Variants in BLOC1S6 observed in about 807,000 individuals in gnomAD.
BLOC1S6 encodes biogenesis of lysosomal organelles complex 1 subunit 6.
BLOC1S6 carries 24 observed loss-of-function variants against 24.7 expected under a neutral mutation model. The ratio of observed to expected loss-of-function variants is 0.97; its 90% CI spans 0.70 to 1.37. BLOC1S6 has a LOEUF of 1.37. BLOC1S6 is among the 40% of genes most tolerant of loss of function. The pLI is 0.00. For synonymous variants in BLOC1S6, 76 were observed against 72.6 expected (o/e 1.05, Z -0.23); for missense variants, 175 against 196.2 (o/e 0.89, Z 0.64).
intron 2 of BLOC1S6, among the ~76,000 whole-genome samples, chr15:45,600,323 A>G (rs1161361509): frequency 1.3e-5 from 2 of 151,122 alleles, no homozygotes; most frequent in Admixed American, 1.3e-4. Context: ...CTAAAACTTA[A>G]AGTATAATAA....
intron 1 of BLOC1S6, among the ~76,000 whole-genome samples, chr15:45,588,694 C>G (rs572631503): frequency 8.9e-4 from 136 of 152,340 alleles, no homozygotes; most frequent in Non-Finnish European, 1.5e-3. Context: ...AATAGCTCCT[C>G]ACTACTTATT....
rs1342184206 is a variant in BLOC1S6, at chr15:45,587,518, G to A, written c.75G>A (p.Pro25=). ...RPPYCLEAGE[P]TPGLSDTSPD... ...CCTACTGCCTGGAGGCCGGGGAGCC[G>A]ACGCCTGGTACGTACTATCGGGTGG... The change falls in exon 1 of 5, where the codon CCG becomes CCA. Residue 25 remains proline, a synonymous_variant. Transcript: ENST00000220531. 1.9e-5 allele frequency: 30 copies of A among 1,573,560 alleles called. No homozygotes were observed. The highest frequency in any genetic ancestry group is 2.5e-5 in the Non-Finnish European group (29 of 1,160,164).
chr15:45,594,280 A>C (rs1566900522), intron 2 of BLOC1S6, among the ~76,000 whole-genome samples: 2 of 152,224 alleles, frequency 1.3e-5, no homozygotes, highest in Non-Finnish European at 1.5e-5. Context: ...TATATAAGAA[A>C]GGTTATAAAT....
At chr15:45,592,485 C>T (rs1430722352) in intron 2 of BLOC1S6, among the ~76,000 whole-genome samples, 1 of 152,154 alleles carries the variant, frequency 6.6e-6, no homozygotes, top group Non-Finnish European at 1.5e-5. Context: ...GGTGTTCGAT[C>T]TCTTCTAAGA....
chr15:45,600,112 A>T (rs1042805670), intron 2 of BLOC1S6, among the ~76,000 whole-genome samples: 1 of 140,848 alleles, frequency 7.1e-6, no homozygotes, highest in Admixed American at 7.4e-5. Flanking sequence ...ATTCTCACTC[A>T]TAGGTGGGAA....
At chr15:45,603,262 TA>T in intron 3 of BLOC1S6, 75 bp downstream of exon 3, 2 of 909,068 alleles carry the variant, frequency 2.2e-6, no homozygotes, top group East Asian at 2.6e-5. Context: ...AAGCAATAGC[TA>T]AGATTTTAAG....
At chr15:45,595,933 G>C (rs548588985) in intron 2 of BLOC1S6, among the ~76,000 whole-genome samples, 4 of 152,000 alleles carry the variant, frequency 2.6e-5, no homozygotes, top group Non-Finnish European at 5.9e-5. Context: ...TCAGCCTCCT[G>C]AGTAGCTGGG....
chr15:45,590,511 A>G (rs1893846759), intron 1 of BLOC1S6, among the ~76,000 whole-genome samples: 1 of 150,928 alleles, frequency 6.6e-6, no homozygotes. Flanking sequence ...AAGTTCAAGC[A>G]ATTCTTGTGT....
In BLOC1S6 at chr15:45,602,553, A is replaced by G. The variant is rs558092634; in HGVS notation, c.225-547A>G. ...CTTTGTAAATGAGGAGATTTAGGCC[A>G]GAGAAATAAACTGAATTTCTAAGAT... On this transcript the variant is annotated intron_variant, in intron 2 of 4. Transcript: ENST00000220531. Among the ~76,000 whole-genome samples, 9 of 152,366 alleles carry G rather than the reference A, an allele frequency of 5.9e-5. No individual in the cohort carries two copies. The East Asian group carries it at 1.7e-3, about 29-fold the overall frequency.
intron 4 of BLOC1S6, among the ~76,000 whole-genome samples, chr15:45,606,160 G>A (rs1402624446): frequency 6.6e-6 from 1 of 151,992 alleles, no homozygotes; most frequent in African/African-American, 2.4e-5. Context: ...CTAATAGCTG[G>A]GCTGATAGGC....
chr15:45,597,945 A>C, intron 2 of BLOC1S6: 1 of 359,212 alleles, frequency 2.8e-6, no homozygotes, highest in Non-Finnish European at 5.6e-6. Context: ...TCAATAAAAT[A>C]CTGGCAAACC....
At chr15:45,604,829 A>G (rs1409601020) in intron 3 of BLOC1S6, among the ~76,000 whole-genome samples, 1 of 152,120 alleles carries the variant, frequency 6.6e-6, no homozygotes, top group Non-Finnish European at 1.5e-5. Context: ...CTGACATAAG[A>G]CTTCATTTTA....
chr15:45,601,225 A>G (rs1283444809), intron 2 of BLOC1S6: 1 of 154,380 alleles, frequency 6.5e-6, no homozygotes, highest in African/African-American at 2.4e-5. Context: ...CCTTCTTGTG[A>G]TGATATAGCA....
chr15:45,588,846 T>C (rs1332599085), intron 1 of BLOC1S6, among the ~76,000 whole-genome samples: 1 of 152,244 alleles, frequency 6.6e-6, no homozygotes, highest in African/African-American at 2.4e-5. Flanking sequence ...CTCATGCTGC[T>C]TTCTTTACCC....
chr15:45,605,021 C>G (rs1894399560), intron 3 of BLOC1S6, among the ~76,000 whole-genome samples: 1 of 152,240 alleles, frequency 6.6e-6, no homozygotes, highest in African/African-American at 2.4e-5. Flanking sequence ...TATGGGCAGA[C>G]ACTTCACTTA....
rs767664299 is a variant in BLOC1S6, at chr15:45,605,431, G to C, written c.316G>C (p.Ala106Pro). 1.2e-6 allele frequency: 2 copies of C among 1,607,548 alleles called. No individual in the cohort carries two copies. ...TCATTTATTTTTCCATGTTAAGTTT[G>C]CTGAGGCTAAACACTATCATGCCAA... is the stretch of plus-strand genomic sequence containing the variant. ...HSMLDINALF[A>P]EAKHYHAKLV... The change falls in exon 4 of 5, where the codon GCT (alanine) becomes CCT (proline). Residue 106 changes from alanine to proline, a missense_variant. Physicochemically the swap from Ala to Pro is conservative, Grantham distance 27 (BLOSUM62 -1). Transcript: ENST00000220531.
chr15:45,606,341 A>G, intron 4 of BLOC1S6, 54 bp from the exon 5 acceptor site: 1 of 1,607,192 alleles, frequency 6.2e-7, no homozygotes, highest in Non-Finnish European at 8.5e-7. Flanking sequence ...AAATTAGGCT[A>G]AACCTGTAAC....
In BLOC1S6 at chr15:45,608,459, G is replaced by A. The variant is rs1339416754; in HGVS notation, c.*1945G>A. 1 of 152,172 alleles carries A rather than the reference G, an allele frequency of 6.6e-6. No homozygotes were observed. Among genetic ancestry groups the A allele is most frequent in the Non-Finnish European group, 1.5e-5 (1 of 68,034 alleles). 9.4% of individuals were successfully genotyped at this position (152,172 alleles called of 1,614,324 possible). A position where few individuals can be genotyped will look rare whatever the true frequency, so the allele number is the denominator to read the frequency against. ...AGTACAGCGTTTCTGAGTCATTTGGGACCAACTGCAGTGGTTGTTTAAAAT... is the reference window on the plus strand; with the variant it reads ...AGTACAGCGTTTCTGAGTCATTTGGAACCAACTGCAGTGGTTGTTTAAAAT... On this transcript the variant is annotated 3_prime_UTR_variant, in exon 5 of 5. Transcript: ENST00000220531.
intron 2 of BLOC1S6, among the ~76,000 whole-genome samples, chr15:45,597,096 T>G (rs149035529): frequency 6.6e-5 from 10 of 152,360 alleles, no homozygotes; most frequent in African/African-American, 1.9e-4. Flanking sequence ...TAAAACAGTT[T>G]GTTGATATCT....
Sources: allele counts gnomAD v4.1 joint callset (sites outside exome capture counted in the v4.1 genomes callset), GRCh38; gene constraint gnomAD v4.1.1; transcripts MANE v1.5; gene names NCBI Gene and HGNC (gene_info 2026-07-23, HGNC 2026-07-21).